Variants in CTNNA2 observed in about 807,000 individuals in gnomAD.
CTNNA2 encodes the protein catenin alpha 2.
A neutral mutation model predicts 101.0 loss-of-function variants in CTNNA2; 42 were observed. That is an observed-to-expected ratio of 0.42 (90% CI 0.32 to 0.54). The LOEUF is 0.54. CTNNA2 is among the 20% of genes least tolerant of loss of function. The pLI, the probability that CTNNA2 is intolerant of heterozygous loss-of-function variation, is 0.14. For missense variants in CTNNA2, 871 were observed against 1,223.1 expected, an observed-to-expected ratio of 0.71 and a Z score of 4.29; for synonymous variants, 450 against 456.4, an observed-to-expected ratio of 0.99 and a Z score of 0.18.
At chr2:79,983,287 C>A (rs949088228) in intron 7 of CTNNA2, among the ~76,000 whole-genome samples, 2 of 151,200 alleles carry the variant, frequency 1.3e-5, no homozygotes, top group Admixed American at 1.3e-4. Context: ...ATATAAAATT[C>A]AACACTTGTG....
intron 9 of CTNNA2, among the ~76,000 whole-genome samples, chr2:80,529,226 C>T (rs761027231): frequency 5.3e-5 from 8 of 152,164 alleles, no homozygotes; most frequent in Non-Finnish European, 1.2e-4. Context: ...TGGAGTCTCA[C>T]AGATTTTTCT....
In CTNNA2 at chr2:80,126,403, T is replaced by TCTG. The variant is rs150619200; in HGVS notation, c.1056+216607_1056+216609dup. On this transcript the variant is annotated intron_variant, in intron 7 of 18. Transcript: ENST00000402739. ...GGGGAATCCTCAAGGGGAGATCTTC[T>TCTG]CTGGCCCATCTTCTGCTTCTCTTTG... 7.3e-4 allele frequency among the ~76,000 whole-genome samples: 111 copies of TCTG among 152,138 alleles called. No homozygotes were observed. The East Asian group carries it at 0.02, about 28-fold the overall frequency.
intron 7 of CTNNA2, among the ~76,000 whole-genome samples, chr2:80,186,671 G>A (rs1259413690): frequency 6.6e-6 from 1 of 152,204 alleles, no homozygotes; most frequent in African/African-American, 2.4e-5. Context: ...GGCCTGGAGA[G>A]AAGATTTTGA....
rs67782114 is a variant in CTNNA2 at position 79,664,705 on chromosome 2, CTTTTTTTTT to C, written c.102+13065_102+13073del. 4.4e-4 allele frequency among the ~76,000 whole-genome samples: 42 copies of C among 94,986 alleles called. No homozygotes were observed. The South Asian group carries it at 0.011, about 25-fold the overall frequency. 62.3% of individuals were successfully genotyped at this position (94,986 alleles called of 152,430 possible). On this transcript the variant is annotated intron_variant, in intron 2 of 18. Transcript: ENST00000402739. Reference sequence around the variant, plus strand: ...TAAATTCTGGAGAATTCACATTCTTCTTTTTTTTTTTTTTTTTTTTTTTTTTGAGACGGA... The same window carrying C: ...TAAATTCTGGAGAATTCACATTCTTCTTTTTTTTTTTTTTTTTGAGACGGA...
chr2:79,375,477 T>C (rs1395424877), intron 4 of CTNNA2, among the ~76,000 whole-genome samples: 1 of 152,206 alleles, frequency 6.6e-6, no homozygotes, highest in Non-Finnish European at 1.5e-5. Context: ...CATTAATTGA[T>C]TCAATAAAGC....
chr2:79,392,602 GT>G, intron 4 of CTNNA2, among the ~76,000 whole-genome samples: 1 of 152,162 alleles, frequency 6.6e-6, no homozygotes, highest in South Asian at 2.1e-4. Context: ...AACAAAAACT[GT>G]TTTTATCTTT....
chr2:80,376,554 T>A (rs1675973097), intron 7 of CTNNA2, among the ~76,000 whole-genome samples: 1 of 152,110 alleles, frequency 6.6e-6, no homozygotes, highest in Non-Finnish European at 1.5e-5. Context: ...CTGGAGTCAT[T>A]ACAAATGAGT....
At chr2:80,072,227 G>A (rs1698395180) in intron 7 of CTNNA2, among the ~76,000 whole-genome samples, 1 of 152,126 alleles carries the variant, frequency 6.6e-6, no homozygotes, top group Admixed American at 6.5e-5. Context: ...GGGCTACTCA[G>A]CATTCCACAA....
At chr2:80,107,364 G>A (rs1039653414) in intron 7 of CTNNA2, among the ~76,000 whole-genome samples, 2 of 151,828 alleles carry the variant, frequency 1.3e-5, no homozygotes, top group South Asian at 4.2e-4. Context: ...TGATTTCAGG[G>A]GGATGGTTGG....
intron 9 of CTNNA2, among the ~76,000 whole-genome samples, chr2:80,431,927 G>C (rs775829969): frequency 7.9e-5 from 12 of 151,256 alleles, no homozygotes; most frequent in Non-Finnish European, 1.6e-4. Flanking sequence ...TTTTTCTGTA[G>C]GCACATTAGT....
At chr2:79,995,453 C>G (rs1692474586) in intron 7 of CTNNA2, among the ~76,000 whole-genome samples, 1 of 151,906 alleles carries the variant, frequency 6.6e-6, no homozygotes, top group African/African-American at 2.4e-5. Context: ...CTATGATGGT[C>G]AAATCCAGAT....
At chr2:80,572,699 T>C (rs530016894) in intron 12 of CTNNA2, 1 of 152,240 alleles carries the variant, frequency 6.6e-6, no homozygotes, top group South Asian at 2.1e-4. Flanking sequence ...TTTAGAAATA[T>C]AGTTTTATTT....
intron 1 of CTNNA2, among the ~76,000 whole-genome samples, chr2:79,534,412 G>A (rs1047049861): frequency 6.6e-6 from 1 of 151,956 alleles, no homozygotes; most frequent in South Asian, 2.1e-4. Flanking sequence ...TTGTTATAAC[G>A]CTAGGATAAG....
chr2:79,928,055 T>C (rs2104407357), intron 7 of CTNNA2, among the ~76,000 whole-genome samples: 2 of 152,294 alleles, frequency 1.3e-5, no homozygotes, highest in Admixed American at 1.3e-4. Flanking sequence ...TTACGTTGGG[T>C]TTGTTGAATC....
chr2:80,099,789 C>G (rs576577786), intron 7 of CTNNA2, among the ~76,000 whole-genome samples: 188 of 150,762 alleles, frequency 1.2e-3, no homozygotes, highest in Non-Finnish European at 2.0e-3. Flanking sequence ...AAACTGTGAT[C>G]TGGAGACAAC....
chr2:80,328,026 C>T (rs1166056712), intron 7 of CTNNA2, among the ~76,000 whole-genome samples: 1 of 152,192 alleles, frequency 6.6e-6, no homozygotes, highest in Non-Finnish European at 1.5e-5. Context: ...TTATCTAGCA[C>T]TCTGTTAGAT....
At chr2:79,870,054 C>T (rs1306257826) in intron 5 of CTNNA2, 119 bp downstream of exon 5, 6 of 1,320,414 alleles carry the variant, frequency 4.5e-6, no homozygotes, top group African/African-American at 1.5e-5. Context: ...CCCTAAGAAC[C>T]TGTGATGACA....
chr2:79,449,326 G>A (rs1362864357), intron 4 of CTNNA2, among the ~76,000 whole-genome samples: 1 of 152,074 alleles, frequency 6.6e-6, no homozygotes, highest in East Asian at 1.9e-4. Flanking sequence ...TTGTTATACA[G>A]GTGGAATCAT....
At chr2:80,562,283 G>C (rs1323397597) in intron 12 of CTNNA2, among the ~76,000 whole-genome samples, 1 of 152,120 alleles carries the variant, frequency 6.6e-6, no homozygotes, top group Non-Finnish European at 1.5e-5. Flanking sequence ...CTCAGCATAA[G>C]AGGCTGAAGA....
Sources: allele counts gnomAD v4.1 joint callset (sites outside exome capture counted in the v4.1 genomes callset), GRCh38; gene constraint gnomAD v4.1.1; transcripts MANE v1.5; gene names NCBI Gene and HGNC (gene_info 2026-07-23, HGNC 2026-07-21).